Variants in RAB12 observed in about 807,000 individuals in gnomAD.
RAB12 encodes the protein ras-related protein Rab-12.
RAB12 carries 11 observed loss-of-function variants against 28.4 expected under a neutral mutation model. The ratio of observed to expected loss-of-function variants is 0.39; its 90% CI spans 0.24 to 0.64. The LOEUF (loss-of-function observed/expected upper bound fraction) is 0.64, where lower values mean the gene tolerates loss of function less well. RAB12 is among the 30% of genes least tolerant of loss of function. RAB12 has a pLI of 0.50. For missense variants in RAB12, 276 were observed against 351.1 expected (o/e 0.79, Z 1.71); for synonymous variants, 138 against 145.3 (o/e 0.95, Z 0.36).
At chr18:8,627,174 CTGCTG>C (rs1337725389) in intron 2 of RAB12, among the ~76,000 whole-genome samples, 1 of 152,214 alleles carries the variant, frequency 6.6e-6, no homozygotes, top group Admixed American at 6.5e-5. Context: ...AGCCCTTGTG[CTGCTG>C]CTGGTGTAAC....
At chr18:8,621,319 A>G (rs11664847) in intron 1 of RAB12, among the ~76,000 whole-genome samples, 6 of 152,224 alleles carry the variant, frequency 3.9e-5, no homozygotes, top group African/African-American at 1.2e-4. Context: ...GACTTTTAAT[A>G]TAAGAAAGTT....
chr18:8,625,973 C>G (rs1174536037), intron 2 of RAB12, among the ~76,000 whole-genome samples: 2 of 152,254 alleles, frequency 1.3e-5, no homozygotes, highest in Non-Finnish European at 2.9e-5. Flanking sequence ...GCCGCAGTGC[C>G]TGCCTTCTGG....
At chr18:8,637,100 C>CA (rs1388135315) in intron 5 of RAB12, among the ~76,000 whole-genome samples, 3 of 151,556 alleles carry the variant, frequency 2.0e-5, no homozygotes, top group Non-Finnish European at 4.4e-5. Context: ...CCCATCTCTA[C>CA]AAAAAAAATT....
At chr18:8,626,409 C>T (rs757200740) in intron 2 of RAB12, among the ~76,000 whole-genome samples, 51 of 152,334 alleles carry the variant, frequency 3.3e-4, no homozygotes, top group Middle Eastern at 3.4e-3. Context: ...GAATGTGTGA[C>T]GCCTGCCTTG....
At chr18:8,626,117 T>C (rs1276623678) in intron 2 of RAB12, among the ~76,000 whole-genome samples, 1 of 152,226 alleles carries the variant, frequency 6.6e-6, no homozygotes. Context: ...TTTGGCTTGA[T>C]TATGAAACAT....
intron 1 of RAB12, among the ~76,000 whole-genome samples, chr18:8,616,554 G>A (rs1428729649): frequency 1.3e-5 from 2 of 152,046 alleles, no homozygotes; most frequent in Non-Finnish European, 2.9e-5. Flanking sequence ...GCACTTGGGC[G>A]AAGGAATAGG....
chr18:8,609,651 G>A lies in RAB12; in HGVS notation c.212G>A (p.Gly71Glu). ...ADPPRAAEAE[G>E]APGPGARSRG... is the part of the protein sequence containing the mutation. Reference sequence around the variant, plus strand: ...CCCCCGCGCGCGGCGGAGGCCGAGGGGGCGCCGGGGCCCGGGGCGCGCAGC... The same window carrying A: ...CCCCCGCGCGCGGCGGAGGCCGAGGAGGCGCCGGGGCCCGGGGCGCGCAGC... The change falls in exon 1 of 6, where the codon GGG (glycine) becomes GAG (glutamate). Residue 71 changes from glycine to glutamate, a missense_variant. Gly to Glu is a moderately conservative substitution (Grantham distance 98). Around this residue, in one of 4 missense-constraint regions of RAB12, gnomAD observed 72 missense variants for 55.5 expected, o/e 1.30. Transcript: ENST00000649141. 3.9e-6 allele frequency: 3 copies of A among 773,766 alleles called. No individual in the cohort carries two copies. The highest frequency in any genetic ancestry group is 4.7e-6 in the Non-Finnish European group (3 of 639,604). The allele number at this position is 773,766 out of a possible 1,614,324, so 47.9% of individuals were successfully genotyped here.
intron 2 of RAB12, among the ~76,000 whole-genome samples, chr18:8,630,367 A>G (rs949115575): frequency 3.9e-5 from 6 of 152,242 alleles, no homozygotes; most frequent in African/African-American, 1.4e-4. Flanking sequence ...ATCTATAGAA[A>G]GCAATGTCTG....
In RAB12 at chr18:8,638,426, G is replaced by A; in HGVS notation, c.*164G>A. On this transcript the variant is annotated 3_prime_UTR_variant, in exon 6 of 6. Transcript: ENST00000649141. ...ATATATGCAATCCTGGGTAAGTTTTGGTTATAAGTTACCTATTTCCCTCCA... is the reference window on the plus strand; with the variant it reads ...ATATATGCAATCCTGGGTAAGTTTTAGTTATAAGTTACCTATTTCCCTCCA... 3.4e-6 allele frequency: 2 copies of A among 585,292 alleles called. No homozygotes were observed. Among genetic ancestry groups the A allele is most frequent in the Non-Finnish European group, 6.1e-6 (2 of 328,790 alleles). The allele number at this position is 585,292 out of a possible 1,614,324, so 36.3% of individuals were successfully genotyped here.
Position 8,635,568 on chromosome 18 carries a change from A to C in RAB12, c.750A>C (p.Gly250=). 1 of 1,612,746 alleles carries C rather than the reference A, an allele frequency of 6.2e-7. No homozygotes were observed. Among genetic ancestry groups the C allele is most frequent in the African/African-American group, 1.3e-5 (1 of 74,946 alleles). The change falls in exon 4 of 6, where the codon GGA becomes GGC. Residue 250 remains glycine, a synonymous_variant. Coordinates refer to ENST00000649141, the MANE Select transcript of RAB12 (RefSeq NM_001025300.3). ...ASEDAELLLV[G]NKLDCETDRE... ...AAGATGCAGAGCTTCTCTTAGTTGG[A>C]AATAAGTTGGACTGTGAAACGGACA...
intron 1 of RAB12, among the ~76,000 whole-genome samples, chr18:8,613,965 C>G (rs576050645): frequency 1.7e-3 from 260 of 152,282 alleles, no homozygotes; most frequent in Non-Finnish European, 3.4e-3. Context: ...CGAGAAGTCT[C>G]AGAGAGGTAG....
intron 1 of RAB12, among the ~76,000 whole-genome samples, chr18:8,617,373 A>G (rs979541439): frequency 3.3e-5 from 5 of 152,124 alleles, no homozygotes; most frequent in Non-Finnish European, 7.4e-5. Context: ...CTGTGTTTTC[A>G]TGGATCCATT....
rs533196330 is a variant in RAB12 at position 8,633,733 on chromosome 18, C to T, written c.714+406C>T. Among the ~76,000 whole-genome samples the T allele has an allele frequency of 1.6e-4, 25 of 152,320 alleles. No homozygotes were observed. The South Asian group carries it at 5.0e-3, about 30-fold the overall frequency. ...CGGTGCCTGCGGATGTCCCACGCGC[C>T]TCCGTCACCCACTGGACATCTGTCC... is the stretch of plus-strand genomic sequence containing the variant. On this transcript the variant is annotated intron_variant, in intron 3 of 5. Transcript: ENST00000649141.
intron 3 of RAB12, among the ~76,000 whole-genome samples, chr18:8,634,167 TGG>T (rs2096017547): frequency 1.4e-4 from 14 of 97,988 alleles, no homozygotes; most frequent in South Asian, 3.0e-4. Context: ...TGGCCAGGCA[TGG>T]TGACTCACAC....
At chr18:8,610,124 T>A in intron 1 of RAB12, 171 bp downstream of exon 1, 2 of 535,682 alleles carry the variant, frequency 3.7e-6, no homozygotes, top group Non-Finnish European at 3.3e-6. Context: ...TCCCAAAGCC[T>A]GGCAGAGGTT....
At chr18:8,624,028 G>C (rs1347716299) in intron 1 of RAB12, among the ~76,000 whole-genome samples, 1 of 152,268 alleles carries the variant, frequency 6.6e-6, no homozygotes, top group Non-Finnish European at 1.5e-5. Context: ...CCAGGGCCTT[G>C]CCCTCTGCAG....
chr18:8,638,143 C>A lies in RAB12; in HGVS notation c.910-6C>A. ...ACGGATTTTTTTTTGTTTGTTTATA[C>A]GTTAGATGCCTCTGGATATTTTAAG... On this transcript the variant is annotated splice_polypyrimidine_tract_variant and splice_region_variant and intron_variant, in intron 5 of 5. Coordinates refer to ENST00000649141, the MANE Select transcript of RAB12 (RefSeq NM_001025300.3). 2 of 1,591,338 alleles carry A rather than the reference C, an allele frequency of 1.3e-6. No homozygotes were observed. Among genetic ancestry groups the A allele is most frequent in the Non-Finnish European group, 1.7e-6 (2 of 1,160,740 alleles).
rs140795083 is a variant in RAB12, at chr18:8,632,968, T to A, written c.576-221T>A. The stretch of plus-strand genomic sequence containing the variant: ...TCATAATCCATCTCCATTAATCTAA[T>A]TTAGTTGTTAAATATAAAGGTATTT... On this transcript the variant is annotated intron_variant, in intron 2 of 5. Coordinates refer to ENST00000649141, the MANE Select transcript of RAB12 (RefSeq NM_001025300.3). 4.7e-4 allele frequency: 256 copies of A among 539,908 alleles called. 2 individuals carry two copies. Among genetic ancestry groups the A allele is most frequent in the African/African-American group, 3.6e-3 (185 of 52,078 alleles). 33.4% of individuals were successfully genotyped at this position (539,908 alleles called of 1,614,324 possible). A position where few individuals can be genotyped will look rare whatever the true frequency, so the allele number is the denominator to read the frequency against.
At chr18:8,620,026 C>T (rs574514218) in intron 1 of RAB12, among the ~76,000 whole-genome samples, 10 of 151,406 alleles carry the variant, frequency 6.6e-5, no homozygotes, top group South Asian at 4.2e-4. Flanking sequence ...CTCAGGTACT[C>T]GGGAGGCTGA....
Sources: allele counts gnomAD v4.1 joint callset (sites outside exome capture counted in the v4.1 genomes callset), GRCh38; gene constraint gnomAD v4.1.1; regional missense constraint gnomAD v4.1.1; transcripts MANE v1.5; gene names NCBI Gene and HGNC (gene_info 2026-07-23, HGNC 2026-07-21).